Variants in ABHD17B observed in about 807,000 individuals in gnomAD.
The protein encoded by ABHD17B is alpha/beta hydrolase domain-containing protein 17B.
ABHD17B carries 9 observed loss-of-function variants against 26.2 expected under a neutral mutation model. The ratio of observed to expected loss-of-function variants is 0.34; its 90% CI spans 0.21 to 0.60. The LOEUF (loss-of-function observed/expected upper bound fraction) is 0.60, where lower values mean the gene tolerates loss of function less well. Among genes scored for constraint, ABHD17B ranks in the 20% least tolerant of loss-of-function variants. The pLI, the probability that ABHD17B is intolerant of heterozygous loss-of-function variation, is 0.80. For synonymous variants in ABHD17B, 127 were observed against 122.3 expected (o/e 1.04, Z -0.25); for missense variants, 224 against 352.1 (o/e 0.64, Z 2.91).
In ABHD17B at chr9:71,866,526, C is replaced by T; in HGVS notation, c.*261G>A. The T allele has an allele frequency of 8.5e-7, 1 of 1,180,572 alleles. No individual in the cohort carries two copies. The highest frequency in any genetic ancestry group is 1.0e-6 in the Non-Finnish European group (1 of 952,426). 73.1% of individuals were successfully genotyped at this position (1,180,572 alleles called of 1,614,324 possible). On this transcript the variant is annotated 3_prime_UTR_variant, in exon 4 of 4. Coordinates refer to ENST00000333421, the MANE Select transcript of ABHD17B (RefSeq NM_001025780.3). ...GCATTTGATTTTATAGAATTAAAAT[C>T]TCATACAGTACTCATCTTGATGTTA...
chr9:71,906,873 C>T (rs1827301685), intron 1 of ABHD17B, among the ~76,000 whole-genome samples: 1 of 151,814 alleles, frequency 6.6e-6, no homozygotes. Flanking sequence ...CTCTGCATTT[C>T]CAACAAGCTC....
chr9:71,874,043 C>T (rs1178708042), intron 2 of ABHD17B, among the ~76,000 whole-genome samples: 1 of 152,152 alleles, frequency 6.6e-6, no homozygotes, highest in African/African-American at 2.4e-5. Context: ...CTGTTAATGA[C>T]AGATCAAGTG....
intron 1 of ABHD17B, among the ~76,000 whole-genome samples, chr9:71,884,619 G>A (rs1226628334): frequency 6.6e-6 from 1 of 151,410 alleles, no homozygotes; most frequent in Non-Finnish European, 1.5e-5. Flanking sequence ...GGGTAATGGG[G>A]ATGGAGGTTG....
At position 71,895,228 on chromosome 9, in the gene ABHD17B, C is replaced by T. The variant is rs149938128; in HGVS notation, c.-4+15406G>A. On this transcript the variant is annotated intron_variant, in intron 1 of 3. Coordinates refer to ENST00000333421, the MANE Select transcript of ABHD17B (RefSeq NM_001025780.3). ...AGATATTATTTTTTCCTCCCTCCTC[C>T]CACCCCATTTACAGATGAGGAAACA... is the stretch of plus-strand genomic sequence containing the variant. Among the ~76,000 whole-genome samples the T allele has an allele frequency of 1.5e-3, 234 of 152,288 alleles. 1 individual carries two copies. The highest frequency in any genetic ancestry group is 5.3e-3 in the African/African-American group (221 of 41,568).
chr9:71,880,766 A>G (rs1256508858), intron 1 of ABHD17B, among the ~76,000 whole-genome samples: 1 of 152,086 alleles, frequency 6.6e-6, no homozygotes, highest in Non-Finnish European at 1.5e-5. Context: ...CTTTATGCAG[A>G]AAAATTTTAA....
In ABHD17B at chr9:71,888,616, C is replaced by A. The variant is rs935957566; in HGVS notation, c.-3-13533G>T. Among the ~76,000 whole-genome samples the A allele has an allele frequency of 2.6e-5, 4 of 151,974 alleles. No individual in the cohort carries two copies. The South Asian group carries it at 8.3e-4, about 32-fold the overall frequency. ...ATTGATTATAAATAATGAATACAAT[C>A]TTTTTTTAAAAAGAGGTTCATATTA... On this transcript the variant is annotated intron_variant, in intron 1 of 3. Coordinates refer to ENST00000333421, the MANE Select transcript of ABHD17B (RefSeq NM_001025780.3).
chr9:71,867,148 G>C, intron 3 of ABHD17B, 142 bp from the exon 4 acceptor site: 1 of 1,077,826 alleles, frequency 9.3e-7, no homozygotes, highest in Non-Finnish European at 1.3e-6. Flanking sequence ...TGAATTTCCA[G>C]TAAGATTCAA....
intron 1 of ABHD17B, among the ~76,000 whole-genome samples, chr9:71,879,251 A>G (rs1295400201): frequency 6.6e-6 from 1 of 152,216 alleles, no homozygotes; most frequent in Non-Finnish European, 1.5e-5. Flanking sequence ...AGTTAATACA[A>G]TGTTTTTTGT....
chr9:71,862,505 A>C (rs1825853672), downstream of ABHD17B: 1 of 1,509,494 alleles, frequency 6.6e-7, no homozygotes, highest in Admixed American at 2.1e-5. Context: ...TTGGTATATT[A>C]ATCCAGTTAA....
chr9:71,863,861 G>A (rs560629675), downstream of ABHD17B, among the ~76,000 whole-genome samples: 6 of 152,094 alleles, frequency 3.9e-5, no homozygotes, highest in East Asian at 7.7e-4. Context: ...TTCAGTTTAC[G>A]GTACCTTTTC....
At chr9:71,874,511 A>G in intron 2 of ABHD17B, 103 bp downstream of exon 2, 5 of 844,276 alleles carry the variant, frequency 5.9e-6, no homozygotes, top group Non-Finnish European at 9.0e-6. Flanking sequence ...TAACCTCTAT[A>G]TAGCAGTTAT....
At chr9:71,907,915 A>C (rs1827334107) in intron 1 of ABHD17B, among the ~76,000 whole-genome samples, 1 of 152,176 alleles carries the variant, frequency 6.6e-6, no homozygotes, top group African/African-American at 2.4e-5. Context: ...TTGCTATGTT[A>C]GTTCTCACTT....
downstream of ABHD17B, among the ~76,000 whole-genome samples, chr9:71,864,767 T>C (rs1174574068): frequency 6.6e-6 from 1 of 152,148 alleles, no homozygotes; most frequent in African/African-American, 2.4e-5. Context: ...AAAATAGTAA[T>C]ATTTGTGCAA....
chr9:71,878,379 A>G (rs1249038386), intron 1 of ABHD17B, among the ~76,000 whole-genome samples: 1 of 152,222 alleles, frequency 6.6e-6, no homozygotes, highest in Non-Finnish European at 1.5e-5. Flanking sequence ...ATCACTATCC[A>G]TACTATAGAA....
intron 1 of ABHD17B, among the ~76,000 whole-genome samples, chr9:71,906,838 T>C (rs1827300966): frequency 6.6e-6 from 1 of 151,498 alleles, no homozygotes; most frequent in Non-Finnish European, 1.5e-5. Context: ...AAACAGCATC[T>C]GCATCAGTAG....
At chr9:71,892,785 G>GT (rs11433759) in intron 1 of ABHD17B, among the ~76,000 whole-genome samples, 142,239 of 151,892 alleles carry the variant, frequency 0.94, 67,243 homozygotes, top group East Asian at 1. Context: ...ATAATGTTGT[G>GT]TTTTTTAAAT....
intron 1 of ABHD17B, among the ~76,000 whole-genome samples, chr9:71,898,151 G>A (rs1827013438): frequency 6.6e-6 from 1 of 152,052 alleles, no homozygotes; most frequent in South Asian, 2.1e-4. Flanking sequence ...TATTTAATGT[G>A]GAGTAGATTT....
At chr9:71,884,888 A>G (rs1826559852) in intron 1 of ABHD17B, among the ~76,000 whole-genome samples, 1 of 152,214 alleles carries the variant, frequency 6.6e-6, no homozygotes, top group South Asian at 2.1e-4. Flanking sequence ...TACAAAAGAA[A>G]GAAATTCACT....
At chr9:71,895,037 T>A (rs1442211256) in intron 1 of ABHD17B, among the ~76,000 whole-genome samples, 2 of 152,200 alleles carry the variant, frequency 1.3e-5, no homozygotes, top group African/African-American at 4.8e-5. Flanking sequence ...CTGAGCTGAA[T>A]TTTGTCAAAA....
Sources: allele counts gnomAD v4.1 joint callset (sites outside exome capture counted in the v4.1 genomes callset), GRCh38; gene constraint gnomAD v4.1.1; transcripts MANE v1.5; gene names NCBI Gene and HGNC (gene_info 2026-07-23, HGNC 2026-07-21).